Variants in EXOC7 observed in about 807,000 individuals in gnomAD.
EXOC7 encodes exocyst complex component Exo70.
Under a neutral mutation model 87.6 loss-of-function variants are expected in EXOC7, and 51 were observed. That is an observed-to-expected ratio of 0.58 (90% CI 0.46 to 0.73). EXOC7 has a LOEUF of 0.73. EXOC7 is among the 30% of genes least tolerant of loss of function. EXOC7 has a pLI of 0.00. For synonymous variants in EXOC7, 327 were observed against 357.1 expected (o/e 0.92, Z 0.95); for missense variants, 744 against 888.4 (o/e 0.84, Z 2.07).
intron 7 of EXOC7, chr17:76,090,295 A>G (rs1463820071): frequency 1.9e-6 from 3 of 1,545,968 alleles, no homozygotes; most frequent in Admixed American, 3.9e-5. Context: ...AGGCAGTGTC[A>G]GCGGCTGCCC....
In EXOC7 at chr17:76,083,685, C is replaced by T; in HGVS notation, c.2018G>A (p.Gly673Asp). ...KYIKYGVEQVGDMIDRLFDTS... is the reference protein window; with the variant it reads ...KYIKYGVEQVDDMIDRLFDTS... The stretch of plus-strand genomic sequence containing the variant: ...GTCGAAAAGGCGATCGATCATGTCG[C>T]CCACCTGCTCCACCCCGTACTTGAT... The change falls in exon 19 of 19, where the codon GGC becomes GAC. Residue 673 changes from glycine to aspartate, a missense_variant. By Grantham distance (94) the Gly-to-Asp change is moderately conservative. This residue lies in a region of EXOC7 where 228 missense variants were observed against 298.6 expected (regional missense o/e 0.76). Coordinates refer to ENST00000589210, the MANE Select transcript of EXOC7 (RefSeq NM_001013839.4). 3 of 1,613,846 alleles carry T rather than the reference C, an allele frequency of 1.9e-6. No individual in the cohort carries two copies. The highest frequency in any genetic ancestry group is 1.7e-6 in the Non-Finnish European group (2 of 1,180,008).
chr17:76,088,665 G>C, intron 9 of EXOC7, 103 bp from the exon 10 acceptor site: 1 of 1,594,898 alleles, frequency 6.3e-7, no homozygotes, highest in Non-Finnish European at 8.6e-7. Context: ...CTTCAGAGCA[G>C]AAGTGTGGGA....
chr17:76,103,449 C>G (rs2068178011), intron 1 of EXOC7, 23 bp from the exon 2 acceptor site: 1 of 1,586,502 alleles, frequency 6.3e-7, no homozygotes, highest in South Asian at 1.2e-5. Context: ...AAGGGGAGGA[C>G]ATCACCAGAA....
intron 12 of EXOC7, chr17:76,087,414 T>C: frequency 1.8e-6 from 1 of 564,938 alleles, no homozygotes; most frequent in Non-Finnish European, 3.2e-6. Context: ...GTGAGGACAC[T>C]GCTTCCAGGG....
chr17:76,102,068 G>A (rs2068090638), intron 2 of EXOC7, among the ~76,000 whole-genome samples: 1 of 152,112 alleles, frequency 6.6e-6, no homozygotes, highest in African/African-American at 2.4e-5. Flanking sequence ...AGACAAATTG[G>A]TTGAAATTTT....
At position 76,103,271 on chromosome 17, in the gene EXOC7, C is replaced by A. The variant is rs368998817; in HGVS notation, c.126+90G>T. The A allele has an allele frequency of 4.0e-4, 497 of 1,254,002 alleles. 11 individuals carry two copies. In the South Asian group the frequency reaches 6.2e-3, roughly 16 times the overall value. 77.7% of individuals were successfully genotyped at this position (1,254,002 alleles called of 1,614,324 possible). On this transcript the variant is annotated intron_variant, in intron 2 of 18. Coordinates refer to ENST00000589210, the MANE Select transcript of EXOC7 (RefSeq NM_001013839.4). ...CTCCGTCGCTGCCCATTCCAGAACT[C>A]CAGGCCGCAGGAACCGGAACCGCCA...
rs745934049 is a variant in EXOC7 at position 76,081,969 on chromosome 17, T to C, written c.*1679A>G. On this transcript the variant is annotated 3_prime_UTR_variant, in exon 19 of 19. Coordinates refer to ENST00000589210, the MANE Select transcript of EXOC7 (RefSeq NM_001013839.4). ...GCTGGGCTGCTGGCCCGGGGCAACCTTGGGGCCAAGAGCGGCCCCAGCCCA... is the reference window on the plus strand; with the variant it reads ...GCTGGGCTGCTGGCCCGGGGCAACCCTGGGGCCAAGAGCGGCCCCAGCCCA... 3.1e-6 allele frequency: 5 copies of C among 1,612,606 alleles called. No homozygotes were observed. Among genetic ancestry groups the C allele is most frequent in the South Asian group, 1.1e-5 (1 of 91,068 alleles).
intron 3 of EXOC7, 51 bp from the exon 4 acceptor site, chr17:76,101,427 A>T (rs546223434): frequency 2.5e-5 from 40 of 1,600,794 alleles, no homozygotes; most frequent in Non-Finnish European, 3.3e-5. Flanking sequence ...ATGAAGAAGG[A>T]CTAAGGACAC....
Position 76,097,853 on chromosome 17 carries a change from C to A in EXOC7, c.583G>T (p.Val195Leu), listed in dbSNP as rs151088510. 1 of 1,614,052 alleles carries A rather than the reference C, an allele frequency of 6.2e-7. No homozygotes were observed. The highest frequency in any genetic ancestry group is 1.1e-5 in the South Asian group (1 of 91,084). The stretch of plus-strand genomic sequence containing the variant: ...GAGATGCGAATGACATCCTGGAGCA[C>A]GCTCTCGGGCAGGTGCTCCAGGGTC... ...DVTLEHLPES[V>L]LQDVIRISRW... The change falls in exon 5 of 19, where the codon GTG becomes TTG. Residue 195 changes from valine (V) to leucine (L), a missense_variant. Physicochemically the swap from Val to Leu is conservative, Grantham distance 32. This residue lies in a region of EXOC7 where 512 missense variants were observed against 573.0 expected (regional missense o/e 0.89). Coordinates refer to ENST00000589210, the MANE Select transcript of EXOC7 (RefSeq NM_001013839.4).
At chr17:76,091,393 T>G in intron 6 of EXOC7, 158 bp from the exon 7 acceptor site, 1 of 609,010 alleles carries the variant, frequency 1.6e-6, no homozygotes, top group Non-Finnish European at 2.9e-6. Flanking sequence ...GGGACAAGGA[T>G]GAAGGAAAGG....
chr17:76,090,124 G>A (rs892794267), intron 7 of EXOC7, among the ~76,000 whole-genome samples: 4 of 152,242 alleles, frequency 2.6e-5, no homozygotes, highest in East Asian at 1.9e-4. Context: ...CCTTGGCCCA[G>A]GCCTGACAGA....
Position 76,085,689 on chromosome 17 carries a change from T to C in EXOC7, c.1604A>G (p.Lys535Arg). Residue 535 changes from lysine to arginine, a missense_variant, in exon 14 of 19, where the codon AAG (lysine) becomes AGG (arginine). Physicochemically the swap from Lys to Arg is conservative, Grantham distance 26 (BLOSUM62 2). Coordinates refer to ENST00000589210, the MANE Select transcript of EXOC7 (RefSeq NM_001013839.4). ...GCAGGCCACTTACTTCTCCAGGGACTTGAGGATGTAATTGTAGTTGTTGTG... is the reference window on the plus strand; with the variant it reads ...GCAGGCCACTTACTTCTCCAGGGACCTGAGGATGTAATTGTAGTTGTTGTG... ...FLHNNYNYILKSLEKSELIQL... is the reference protein window; with the variant it reads ...FLHNNYNYILRSLEKSELIQL... The C allele has an allele frequency of 6.2e-7, 1 of 1,614,076 alleles. No homozygotes were observed.
At position 76,081,380 on chromosome 17, in the gene EXOC7, T is replaced by C. The variant is rs147360559; in HGVS notation, c.*2268A>G. 1.2e-4 allele frequency: 197 copies of C among 1,614,144 alleles called. No homozygotes were observed. In the African/African-American group the frequency reaches 1.8e-3, roughly 15 times the overall value. ...AAGACCCAAGTCCCACCCCAGCAGCTGGTGCCCTGCTTCCAGGTGACGGTG... is the reference window on the plus strand; with the variant it reads ...AAGACCCAAGTCCCACCCCAGCAGCCGGTGCCCTGCTTCCAGGTGACGGTG... On this transcript the variant is annotated 3_prime_UTR_variant, in exon 19 of 19. Coordinates refer to ENST00000589210, the MANE Select transcript of EXOC7 (RefSeq NM_001013839.4).
chr17:76,085,570 C>G, intron 14 of EXOC7, 107 bp downstream of exon 14: 1 of 1,570,640 alleles, frequency 6.4e-7, no homozygotes, highest in Non-Finnish European at 8.7e-7. Flanking sequence ...GAAGCACCCC[C>G]TCCCCTCTCG....
chr17:76,102,699 C>T (rs1008283269), intron 2 of EXOC7, among the ~76,000 whole-genome samples: 1 of 152,190 alleles, frequency 6.6e-6, no homozygotes, highest in African/African-American at 2.4e-5. Context: ...TATTTACTCA[C>T]TTTGTGCTTT....
chr17:76,103,466 A>G, intron 1 of EXOC7, 40 bp from the exon 2 acceptor site: 1 of 1,568,652 alleles, frequency 6.4e-7, no homozygotes, highest in Non-Finnish European at 8.6e-7. Context: ...AGAAACCAGA[A>G]GCTAAAGGAG....
intron 4 of EXOC7, among the ~76,000 whole-genome samples, chr17:76,098,865 C>CACA (rs1491539923): frequency 9.4e-6 from 1 of 106,898 alleles, no homozygotes; most frequent in Non-Finnish European, 2.0e-5. Context: ...GACTCCGTCT[C>CACA]AAAAAAAAAA....
intron 5 of EXOC7, 43 bp downstream of exon 5, chr17:76,097,753 C>T (rs764889794): frequency 8.6e-7 from 1 of 1,168,822 alleles, no homozygotes; most frequent in South Asian, 1.3e-5. Flanking sequence ...AGAAAACTCC[C>T]TCTGCCTCTG....
rs868228304 is a variant in EXOC7, at chr17:76,085,715, C to A, written c.1578G>T (p.Leu526=). ...YEDPALSAIF[L]HNNYNYILKS... is the part of the protein sequence containing the mutation. Reference sequence around the variant, plus strand: ...TGAGGATGTAATTGTAGTTGTTGTGCAGGAAGATGGCGCTCAGAGCTGGGT... The same window carrying A: ...TGAGGATGTAATTGTAGTTGTTGTGAAGGAAGATGGCGCTCAGAGCTGGGT... The change falls in exon 14 of 19, where the codon CTG becomes CTT. Residue 526 remains leucine, a synonymous_variant. Transcript: ENST00000589210. 2.4e-5 allele frequency: 39 copies of A among 1,614,014 alleles called. 4 individuals carry two copies. The Middle Eastern group carries it at 4.4e-3, about 184-fold the overall frequency.
Sources: gnomAD v4.1 joint callset for allele counts (sites outside exome capture counted in the v4.1 genomes callset) on GRCh38, gnomAD v4.1.1 for gene constraint, gnomAD v4.1.1 regional missense constraint, MANE v1.5 for transcripts, NCBI Gene and HGNC (gene_info 2026-07-23, HGNC 2026-07-21) for gene names.